Variants in ST8SIA1 observed in about 807,000 individuals in gnomAD.
ST8SIA1 encodes ST8 alpha-N-acetyl-neuraminide alpha-2,8-sialyltransferase 1, also known as alpha-N-acetylneuraminide alpha-2,8-sialyltransferase.
ST8SIA1 carries 16 observed loss-of-function variants against 35.9 expected under a neutral mutation model. The ratio of observed to expected loss-of-function variants is 0.45; its 90% confidence interval spans 0.30 to 0.68. The LOEUF (loss-of-function observed/expected upper bound fraction) is 0.68, where lower values mean the gene tolerates loss of function less well. Among genes scored for constraint, ST8SIA1 ranks in the 30% least tolerant of loss-of-function variants. The pLI is 0.09. For missense variants in ST8SIA1, 383 were observed against 453.6 expected (o/e 0.84, Z 1.41); for synonymous variants, 170 against 169.6 (o/e 1.00, Z -0.02).
At chr12:22,315,414 A>G (rs1006864950) in intron 1 of ST8SIA1, among the ~76,000 whole-genome samples, 15 of 152,192 alleles carry the variant, frequency 9.9e-5, no homozygotes, top group Admixed American at 9.8e-4. Flanking sequence ...GAGAAAATAT[A>G]GCAAAATTAA....
intron 2 of ST8SIA1, among the ~76,000 whole-genome samples, chr12:22,263,645 T>A (rs761533120): frequency 6.6e-6 from 1 of 152,220 alleles, no homozygotes; most frequent in Admixed American, 6.5e-5. Flanking sequence ...GAAGGTTTTG[T>A]TGTTCTTGTT....
In ST8SIA1 at chr12:22,209,349, T is replaced by G. The variant is rs142710157; in HGVS notation, c.585-7311A>C. ...GGGTAAATGAACAACGATGTAGAACTGCCAAATCCGAGATGAGGAAATTCA... is the reference window on the plus strand; with the variant it reads ...GGGTAAATGAACAACGATGTAGAACGGCCAAATCCGAGATGAGGAAATTCA... On this transcript the variant is annotated intron_variant, in intron 4 of 4. Coordinates refer to ENST00000396037, the MANE Select transcript of ST8SIA1 (RefSeq NM_003034.4). Among the ~76,000 whole-genome samples the G allele has an allele frequency of 4.8e-3, 729 of 152,254 alleles. 3 individuals are homozygous for G. Among genetic ancestry groups the G allele is most frequent in the African/African-American group, 0.016 (683 of 41,542 alleles).
intron 4 of ST8SIA1, among the ~76,000 whole-genome samples, chr12:22,213,578 G>A (rs1410289665): frequency 6.6e-6 from 1 of 152,186 alleles, no homozygotes; most frequent in Non-Finnish European, 1.5e-5. Context: ...TTTGCTGAAA[G>A]ACCAGCATGG....
At chr12:22,252,516 A>G (rs1395881925) in intron 3 of ST8SIA1, among the ~76,000 whole-genome samples, 1 of 152,228 alleles carries the variant, frequency 6.6e-6, no homozygotes, top group Non-Finnish European at 1.5e-5. Context: ...AAAATGTGTC[A>G]TAAAACAGAA....
intron 1 of ST8SIA1, among the ~76,000 whole-genome samples, chr12:22,331,451 T>C (rs2135849872): frequency 6.6e-6 from 1 of 152,352 alleles, no homozygotes; most frequent in Non-Finnish European, 1.5e-5. Flanking sequence ...CACCATTCCA[T>C]GATTTGTGAA....
chr12:22,326,026 T>C, intron 1 of ST8SIA1: 1 of 477,056 alleles, frequency 2.1e-6, no homozygotes, highest in South Asian at 4.2e-5. Flanking sequence ...ATTTAAAACT[T>C]ATGAATTGTT....
chr12:22,224,316 CT>C (rs11434182), intron 4 of ST8SIA1, among the ~76,000 whole-genome samples: 2,165 of 144,894 alleles, frequency 0.015, 19 homozygotes, highest in Non-Finnish European at 0.021. Flanking sequence ...TATATTTATA[CT>C]TTTTTTTTTT....
intron 4 of ST8SIA1, among the ~76,000 whole-genome samples, chr12:22,228,598 G>A (rs531615100): frequency 5.9e-5 from 9 of 152,330 alleles, no homozygotes; most frequent in African/African-American, 1.9e-4. Flanking sequence ...CCATTGGAGA[G>A]CTAATCCTTG....
At chr12:22,229,533 T>A (rs942008079) in intron 4 of ST8SIA1, among the ~76,000 whole-genome samples, 6 of 150,922 alleles carry the variant, frequency 4.0e-5, no homozygotes, top group African/African-American at 1.5e-4. Context: ...GGAGGATTGC[T>A]TGAGCCCAGG....
At chr12:22,312,042 G>A (rs1866455759) in intron 1 of ST8SIA1, among the ~76,000 whole-genome samples, 1 of 152,040 alleles carries the variant, frequency 6.6e-6, no homozygotes, top group Admixed American at 6.6e-5. Flanking sequence ...GGCTTTGTGG[G>A]TACATAAACC....
At chr12:22,254,778 T>G (rs1865710848) in intron 3 of ST8SIA1, among the ~76,000 whole-genome samples, 1 of 152,156 alleles carries the variant, frequency 6.6e-6, no homozygotes, top group African/African-American at 2.4e-5. Flanking sequence ...TCCCCTCGTT[T>G]GAAATTTACC....
At chr12:22,219,300 T>A (rs1424428458) in intron 4 of ST8SIA1, among the ~76,000 whole-genome samples, 1 of 152,216 alleles carries the variant, frequency 6.6e-6, no homozygotes, top group African/African-American at 2.4e-5. Flanking sequence ...ATCTGTATAA[T>A]CTCTTTGATT....
At chr12:22,255,563 C>T (rs1295870979) in intron 2 of ST8SIA1, among the ~76,000 whole-genome samples, 174 bp from the exon 3 acceptor site, 1 of 152,052 alleles carries the variant, frequency 6.6e-6, no homozygotes. Context: ...AGTCTGTTGC[C>T]TTGAAATTTA....
At chr12:22,288,303 T>C (rs1471169742) in intron 1 of ST8SIA1, among the ~76,000 whole-genome samples, 2 of 151,938 alleles carry the variant, frequency 1.3e-5, no homozygotes, top group East Asian at 3.9e-4. Flanking sequence ...GACGGTGGAG[T>C]GGGAGACTTG....
intron 4 of ST8SIA1, among the ~76,000 whole-genome samples, chr12:22,205,062 G>C (rs1383067142): frequency 3.3e-5 from 5 of 151,992 alleles, no homozygotes; most frequent in African/African-American, 1.2e-4. Flanking sequence ...TCATTGCCCT[G>C]GTGAAGTTGT....
intron 4 of ST8SIA1, among the ~76,000 whole-genome samples, chr12:22,248,424 A>G (rs1204712883): frequency 1.0e-4 from 15 of 147,698 alleles, no homozygotes. Flanking sequence ...CAGCTCCCAC[A>G]GCAGCTTCCA....
At chr12:22,314,892 C>T (rs576355699) in intron 1 of ST8SIA1, among the ~76,000 whole-genome samples, 50 of 152,264 alleles carry the variant, frequency 3.3e-4, no homozygotes, top group Non-Finnish European at 5.3e-4. Context: ...TCATCCTAAC[C>T]GCCCAAGGTT....
At chr12:22,277,269 G>T (rs1175932797) in intron 2 of ST8SIA1, among the ~76,000 whole-genome samples, 2 of 151,972 alleles carry the variant, frequency 1.3e-5, no homozygotes, top group African/African-American at 4.8e-5. Flanking sequence ...AGTGAAGAGT[G>T]AGTTAAGAGA....
chr12:22,224,880 A>T (rs1345669511), intron 4 of ST8SIA1, among the ~76,000 whole-genome samples: 1 of 152,200 alleles, frequency 6.6e-6, no homozygotes, highest in Admixed American at 6.5e-5. Flanking sequence ...TAGAAACAGG[A>T]TCTTTGTAGA....
Sources: allele counts gnomAD v4.1 joint callset (sites outside exome capture counted in the v4.1 genomes callset), GRCh38; gene constraint gnomAD v4.1.1; transcripts MANE v1.5; gene names NCBI Gene and HGNC (gene_info 2026-07-23, HGNC 2026-07-21).